Variants in DPYSL3 observed in about 807,000 individuals in gnomAD.
DPYSL3 encodes the protein dihydropyrimidinase-related protein 3.
Under a neutral mutation model 66.1 loss-of-function variants are expected in DPYSL3, and 16 were observed. The ratio of observed to expected loss-of-function variants is 0.24; its 90% CI spans 0.16 to 0.37. The LOEUF (loss-of-function observed/expected upper bound fraction) is 0.37, where lower values mean the gene tolerates loss of function less well. Among genes scored for constraint, DPYSL3 ranks in the 10% least tolerant of loss-of-function variants. DPYSL3 has a pLI of 1.00. For synonymous variants in DPYSL3, 338 were observed against 345.1 expected, an observed-to-expected ratio of 0.98 and a Z score of 0.23; for missense variants, 738 against 916.2, an observed-to-expected ratio of 0.81 and a Z score of 2.51.
At position 147,488,825 on chromosome 5, in the gene DPYSL3, G is replaced by A. The variant is rs921959423; in HGVS notation, c.381+20653C>T. On this transcript the variant is annotated intron_variant, in intron 1 of 13. Transcript: ENST00000343218. ...AGGTCAGGAGTTCGAGACCAGCCTG[G>A]TCAACATGGCAAAACCCTGTCTCTA... Among the ~76,000 whole-genome samples the A allele has an allele frequency of 2.1e-4, 32 of 152,086 alleles. 1 individual carries two copies. Among genetic ancestry groups the A allele is most frequent in the African/African-American group, 7.7e-4 (32 of 41,398 alleles).
intron 1 of DPYSL3, among the ~76,000 whole-genome samples, chr5:147,492,475 A>G (rs1464300665): frequency 1.3e-5 from 2 of 152,160 alleles, no homozygotes; most frequent in African/African-American, 4.8e-5. Context: ...GCTGATGTAC[A>G]TACATCTGCT....
chr5:147,455,070 G>T (rs1752822128), intron 1 of DPYSL3, among the ~76,000 whole-genome samples: 1 of 152,196 alleles, frequency 6.6e-6, no homozygotes, highest in Non-Finnish European at 1.5e-5. Flanking sequence ...CATGACTAAA[G>T]CTGTGTTGAA....
chr5:147,458,855 G>A lies in DPYSL3; in HGVS notation c.382-33892C>T, dbSNP rs141515741. On this transcript the variant is annotated intron_variant, in intron 1 of 13. Coordinates refer to ENST00000343218, the MANE Select transcript of DPYSL3 (RefSeq NM_001197294.2). ...GGATCTAAGCTCCTTAAGAGAGCAG[G>A]GAGAACACAGTGTATAGGGGAATAA... Among the ~76,000 whole-genome samples, 1,081 of 152,198 alleles carry A rather than the reference G, an allele frequency of 7.1e-3. 10 individuals carry two copies. The highest frequency in any genetic ancestry group is 0.024 in the African/African-American group (1,015 of 41,504).
At chr5:147,428,149 C>T (rs376615798) in intron 1 of DPYSL3, among the ~76,000 whole-genome samples, 278 of 152,316 alleles carry the variant, frequency 1.8e-3, no homozygotes, top group Middle Eastern at 0.017. Flanking sequence ...TAAATAAAAT[C>T]TTTCTGGCTC....
At chr5:147,483,399 A>T (rs1426951744) in intron 1 of DPYSL3, among the ~76,000 whole-genome samples, 1 of 152,216 alleles carries the variant, frequency 6.6e-6, no homozygotes, top group Non-Finnish European at 1.5e-5. Context: ...TTGAAATCAG[A>T]AAAGCTTGAT....
chr5:147,453,805 C>G (rs1404758887), intron 1 of DPYSL3: 72 of 1,225,738 alleles, frequency 5.9e-5, no homozygotes, highest in South Asian at 3.9e-4. Context: ...CCCCCGCCCC[C>G]CCACGCACAC....
At chr5:147,425,330 T>A (rs566623601) in intron 1 of DPYSL3, among the ~76,000 whole-genome samples, 1 of 152,344 alleles carries the variant, frequency 6.6e-6, no homozygotes, top group East Asian at 1.9e-4. Flanking sequence ...TAGTGCACTC[T>A]CTAGTACTCT....
chr5:147,483,442 T>C (rs1753280888), intron 1 of DPYSL3, among the ~76,000 whole-genome samples: 1 of 152,228 alleles, frequency 6.6e-6, no homozygotes, highest in Non-Finnish European at 1.5e-5. Context: ...AATCAGCTGA[T>C]TGACGTCCAT....
chr5:147,445,326 G>A (rs1752611666), intron 1 of DPYSL3, among the ~76,000 whole-genome samples: 1 of 152,194 alleles, frequency 6.6e-6, no homozygotes, highest in Non-Finnish European at 1.5e-5. Flanking sequence ...CTAAAGAGCT[G>A]TCATGTTTCT....
chr5:147,500,460 A>G (rs980443138), intron 1 of DPYSL3, among the ~76,000 whole-genome samples: 1 of 151,990 alleles, frequency 6.6e-6, no homozygotes, highest in Non-Finnish European at 1.5e-5. Context: ...CTAAAAATAC[A>G]AGAATTAGCC....
rs1481357184 is a variant in DPYSL3 at position 147,492,395 on chromosome 5, A to G, written c.381+17083T>C. On this transcript the variant is annotated intron_variant, in intron 1 of 13. Transcript: ENST00000343218. ...GTAATATGAAAACTTTGTTTTTCCT[A>G]TTCTTAATGTATCTAACAGATAACA... Among the ~76,000 whole-genome samples the G allele has an allele frequency of 4.6e-5, 7 of 152,260 alleles. No homozygotes were observed. In the East Asian group the frequency reaches 5.8e-4, roughly 13 times the overall value.
chr5:147,438,076 G>A (rs1752447247), intron 1 of DPYSL3, among the ~76,000 whole-genome samples: 1 of 152,102 alleles, frequency 6.6e-6, no homozygotes, highest in African/African-American at 2.4e-5. Flanking sequence ...ATATGGGTAA[G>A]GAAAGAAAGG....
intron 6 of DPYSL3, among the ~76,000 whole-genome samples, chr5:147,409,697 A>G (rs1014058085): frequency 1.3e-5 from 2 of 152,160 alleles, no homozygotes. Context: ...CTTCAGCGTT[A>G]CTGGCATTCA....
rs569192112 is a variant in DPYSL3 at position 147,407,315 on chromosome 5, C to T, written c.1032+1413G>A. Among the ~76,000 whole-genome samples the T allele has an allele frequency of 3.9e-5, 6 of 152,116 alleles. No homozygotes were observed. In the East Asian group the frequency reaches 5.8e-4, roughly 15 times the overall value. Reference sequence around the variant, plus strand: ...GGCCTTCCACGGCTATAGAGGTTTGCGGCTGAGAGGCTTTTTTACTAAAAA... The same window carrying T: ...GGCCTTCCACGGCTATAGAGGTTTGTGGCTGAGAGGCTTTTTTACTAAAAA... On this transcript the variant is annotated intron_variant, in intron 7 of 13. Coordinates refer to ENST00000343218, the MANE Select transcript of DPYSL3 (RefSeq NM_001197294.2).
At chr5:147,461,802 T>C (rs1396435929) in intron 1 of DPYSL3, among the ~76,000 whole-genome samples, 2 of 152,144 alleles carry the variant, frequency 1.3e-5, no homozygotes, top group Non-Finnish European at 2.9e-5. Flanking sequence ...CTAGCAGTCA[T>C]TTTCACAGAC....
intron 1 of DPYSL3, among the ~76,000 whole-genome samples, chr5:147,485,310 A>G (rs1396150208): frequency 1.3e-5 from 2 of 152,312 alleles, no homozygotes; most frequent in East Asian, 3.9e-4. Context: ...GAGTTCATGC[A>G]GTTTACTTAA....
rs1758181008 is a variant in DPYSL3, at chr5:147,401,588, A to G, written c.1262T>C (p.Leu421Pro). Reference protein sequence around the residue: ...KAAAFVTSPPLSPDPTTPDYI... With the variant: ...KAAAFVTSPPPSPDPTTPDYI... ...GTCCGGAGTAGTTGGGTCAGGGCTC[A>G]GGGGTGGGGATGTCACAAATGCAGC... Residue 421 changes from leucine (L) to proline (P), a missense_variant, in exon 9 of 14, where the codon CTG becomes CCG. Leu to Pro is a moderately conservative substitution (Grantham distance 98, BLOSUM62 -3). Coordinates refer to ENST00000343218, the MANE Select transcript of DPYSL3 (RefSeq NM_001197294.2). 1 of 1,613,738 alleles carries G rather than the reference A, an allele frequency of 6.2e-7. No homozygotes were observed. Among genetic ancestry groups the G allele is most frequent in the Non-Finnish European group, 8.5e-7 (1 of 1,179,942 alleles).
intron 1 of DPYSL3, among the ~76,000 whole-genome samples, chr5:147,447,618 C>A (rs1294009762): frequency 3.9e-5 from 6 of 152,174 alleles, no homozygotes; most frequent in Admixed American, 3.9e-4. Flanking sequence ...CGCCTGTAAT[C>A]CCAGCACTTT....
intron 1 of DPYSL3, among the ~76,000 whole-genome samples, chr5:147,479,918 A>T (rs955223575): frequency 6.6e-6 from 1 of 152,192 alleles, no homozygotes; most frequent in African/African-American, 2.4e-5. Context: ...CCTCCAAAAG[A>T]ATCTAATGAT....
Sources: allele counts gnomAD v4.1 joint callset (sites outside exome capture counted in the v4.1 genomes callset), GRCh38; gene constraint gnomAD v4.1.1; transcripts MANE v1.5; gene names NCBI Gene and HGNC (gene_info 2026-07-23, HGNC 2026-07-21).